The following QRICH1 variants were observed in gnomAD, a reference collection of about 807,000 sequenced individuals.
The protein encoded by QRICH1 is glutamine rich 1, also known as transcriptional regulator QRICH1.
QRICH1 carries 16 observed loss-of-function variants against 87.1 expected under a neutral mutation model. The ratio of observed to expected loss-of-function variants is 0.18; its 90% CI spans 0.12 to 0.28. QRICH1 has a LOEUF of 0.28. Among genes scored for constraint, QRICH1 ranks in the 10% least tolerant of loss-of-function variants. The pLI is 1.00. For synonymous variants in QRICH1, 367 were observed against 368.4 expected (o/e 1.00, Z 0.05); for missense variants, 647 against 951.7 (o/e 0.68, Z 4.21).
At chr3:49,040,334 G>T (rs185060209) in intron 6 of QRICH1, among the ~76,000 whole-genome samples, 1 of 152,056 alleles carries the variant, frequency 6.6e-6, no homozygotes, top group Non-Finnish European at 1.5e-5. Flanking sequence ...ATTGCTAGGC[G>T]CAGCAGCTCA....
At chr3:49,084,536 G>A (rs1356227518) in intron 1 of QRICH1, among the ~76,000 whole-genome samples, 5 of 152,174 alleles carry the variant, frequency 3.3e-5, no homozygotes, top group African/African-American at 9.7e-5. Context: ...TTACAGGCGT[G>A]AGCCATCACA....
rs751794461 is a variant in QRICH1, at chr3:49,087,279, C to T, written c.-22+6633G>A. Among the ~76,000 whole-genome samples the T allele has an allele frequency of 5.3e-5, 8 of 149,942 alleles. No individual in the cohort carries two copies. The East Asian group carries it at 1.2e-3, about 22-fold the overall frequency. On this transcript the variant is annotated intron_variant, in intron 1 of 9. Coordinates refer to ENST00000395443, the MANE Select transcript of QRICH1 (RefSeq NM_198880.3). ...TCTCAAAAAAATAAAATAAAATAGGCCAGGCACAGTGGCTCACGCCTATAA... is the reference window on the plus strand; with the variant it reads ...TCTCAAAAAAATAAAATAAAATAGGTCAGGCACAGTGGCTCACGCCTATAA...
intron 1 of QRICH1, among the ~76,000 whole-genome samples, chr3:49,085,520 C>T (rs2042152168): frequency 6.6e-6 from 1 of 151,920 alleles, no homozygotes; most frequent in South Asian, 2.1e-4. Context: ...TTTGGGAGGC[C>T]GAGGTGGGTG....
intron 1 of QRICH1, chr3:49,093,463 G>A (rs1233350662): frequency 1.3e-5 from 2 of 152,120 alleles, no homozygotes; most frequent in East Asian, 3.9e-4. Flanking sequence ...CTCAGCAGAA[G>A]CCTCCTGCGC....
At chr3:49,034,018 C>A (rs1259278462) in intron 6 of QRICH1, among the ~76,000 whole-genome samples, 1 of 150,550 alleles carries the variant, frequency 6.6e-6, no homozygotes, top group Non-Finnish European at 1.5e-5. Flanking sequence ...ACAAAAAAAA[C>A]AAAAAAAACG....
At chr3:49,078,842 C>T (rs1013128718) in intron 1 of QRICH1, among the ~76,000 whole-genome samples, 2 of 151,728 alleles carry the variant, frequency 1.3e-5, no homozygotes, top group Non-Finnish European at 2.9e-5. Context: ...CAGGTGCCCA[C>T]CACCATGCCC....
intron 3 of QRICH1, 168 bp downstream of exon 3, chr3:49,056,694 G>C: frequency 8.2e-7 from 1 of 1,213,878 alleles, no homozygotes; most frequent in Non-Finnish European, 1.1e-6. Flanking sequence ...TCTTTTTTCT[G>C]TTGCATAGCC....
chr3:49,032,998 G>A, intron 7 of QRICH1, 122 bp downstream of exon 7: 1 of 950,074 alleles, frequency 1.1e-6, no homozygotes, highest in South Asian at 1.9e-5. Flanking sequence ...AGCCAAGTGG[G>A]GTTAGGGCTT....
intron 1 of QRICH1, 147 bp downstream of exon 1, chr3:49,093,765 A>G (rs1034294105): frequency 3.0e-5 from 9 of 298,142 alleles, no homozygotes; most frequent in Admixed American, 1.0e-4. Flanking sequence ...GCGCTAGCCC[A>G]GGAACGTTTT....
intron 1 of QRICH1, among the ~76,000 whole-genome samples, chr3:49,091,417 T>G (rs1343746889): frequency 6.6e-6 from 1 of 151,890 alleles, no homozygotes; most frequent in African/African-American, 2.4e-5. Context: ...AAAAAAAGCA[T>G]ATCCAAAGTA....
intron 2 of QRICH1, among the ~76,000 whole-genome samples, chr3:49,059,426 T>C (rs1430738905): frequency 7.3e-5 from 11 of 150,274 alleles, no homozygotes; most frequent in Non-Finnish European, 1.6e-4. Flanking sequence ...CCAGCTAATT[T>C]TTTTTTTTTT....
chr3:49,030,365 A>G lies in QRICH1; in HGVS notation c.*87T>C. ...TCGTAACTACACCAATAAAAAAAAG[A>G]AAAAAAAAAATGGAGGCCTCTTCTT... On this transcript the variant is annotated 3_prime_UTR_variant, in exon 10 of 10. Transcript: ENST00000395443. The G allele has an allele frequency of 2.5e-5, 19 of 749,356 alleles. No individual in the cohort carries two copies. The highest frequency in any genetic ancestry group is 5.5e-5 in the South Asian group (2 of 36,372). 46.4% of individuals were successfully genotyped at this position (749,356 alleles called of 1,614,324 possible).
chr3:49,066,365 C>T (rs149858693), intron 2 of QRICH1, among the ~76,000 whole-genome samples: 6 of 152,162 alleles, frequency 3.9e-5, no homozygotes, highest in African/African-American at 7.2e-5. Context: ...AATTATAATA[C>T]GGCTTGCTTA....
intron 2 of QRICH1, among the ~76,000 whole-genome samples, chr3:49,074,494 C>G (rs1025856896): frequency 6.6e-6 from 1 of 151,686 alleles, no homozygotes; most frequent in African/African-American, 2.4e-5. Context: ...ATGGCGTGAA[C>G]CCGGGAGGCG....
intron 8 of QRICH1, 82 bp from the exon 9 acceptor site, chr3:49,032,355 C>T: frequency 1.8e-6 from 2 of 1,096,078 alleles, no homozygotes; most frequent in Admixed American, 1.9e-5. Context: ...CTTAGGCTTT[C>T]AGCCAGCCCA....
chr3:49,047,246 C>G lies in QRICH1; in HGVS notation c.1339G>C (p.Ala447Pro). Reference protein sequence around the residue: ...QQQQLQVTCSAQTVQVAEVEP... With the variant: ...QQQQLQVTCSPQTVQVAEVEP... ...ACTTCAGCAACCTGGACAGTTTGAG[C>G]CTATAGGAGAGAAACCATGAAAATG... The change falls in exon 4 of 10, where the codon GCT becomes CCT. Residue 447 changes from alanine (A) to proline (P), a missense_variant and splice_region_variant. Transcript: ENST00000395443. The G allele has an allele frequency of 6.2e-7, 1 of 1,603,846 alleles. No individual in the cohort carries two copies. The highest frequency in any genetic ancestry group is 8.5e-7 in the Non-Finnish European group (1 of 1,174,770).
intron 3 of QRICH1, among the ~76,000 whole-genome samples, chr3:49,049,876 T>C (rs2093360182): frequency 6.6e-6 from 1 of 152,112 alleles, no homozygotes; most frequent in African/African-American, 2.4e-5. Context: ...ACTCTGATTT[T>C]GAAAGGCAAG....
intron 3 of QRICH1, 22 bp downstream of exon 3, chr3:49,056,840 C>T (rs1219195042): frequency 3.1e-6 from 5 of 1,614,048 alleles, no homozygotes; most frequent in Non-Finnish European, 4.2e-6. Flanking sequence ...GCTGCCTGCC[C>T]TACTGATAAG....
Position 49,047,235 on chromosome 3 carries a change from G to C in QRICH1, c.1350C>G (p.Val450=), listed in dbSNP as rs1308882713. ...QLQVTCSAQT[V]QVAEVEPQSQ... is the part of the protein sequence containing the mutation. ...ACTGTGGTTCAACTTCAGCAACCTG[G>C]ACAGTTTGAGCCTATAGGAGAGAAA... The change falls in exon 4 of 10, where the codon GTC becomes GTG. Residue 450 remains valine, a synonymous_variant. Coordinates refer to ENST00000395443, the MANE Select transcript of QRICH1 (RefSeq NM_198880.3). The C allele has an allele frequency of 2.5e-6, 4 of 1,613,710 alleles. No homozygotes were observed. In the African/African-American group the frequency reaches 5.3e-5, roughly 22 times the overall value.
Sources: allele counts gnomAD v4.1 joint callset (sites outside exome capture counted in the v4.1 genomes callset), GRCh38; gene constraint gnomAD v4.1.1; transcripts MANE v1.5; gene names NCBI Gene and HGNC (gene_info 2026-07-23, HGNC 2026-07-21).